The following SMARCA2 variants were observed in gnomAD, a reference collection of about 807,000 sequenced individuals.
SMARCA2 encodes SWI/SNF-related matrix-associated actin-dependent regulator of chromatin subfamily A member 2.
Under a neutral mutation model 199.8 loss-of-function variants are expected in SMARCA2, and 61 were observed. The observed-to-expected ratio is 0.31, with a 90% CI of 0.25 to 0.38. SMARCA2 has a LOEUF of 0.38. Ranked by LOEUF, SMARCA2 falls within the 10% of genes least tolerant of loss-of-function variation. The pLI is 1.00. For missense variants in SMARCA2, 1,344 were observed against 2,012.2 expected (o/e 0.67, Z 6.35); for synonymous variants, 935 against 732.0 (o/e 1.28, Z -4.48).
Position 2,039,937 on chromosome 9 carries a change from T to G in SMARCA2, c.790+37T>G, listed in dbSNP as rs1819530462. 1.9e-6 allele frequency: 3 copies of G among 1,604,808 alleles called. No individual in the cohort carries two copies. The highest frequency in any genetic ancestry group is 1.7e-6 in the Non-Finnish European group (2 of 1,175,382). On this transcript the variant is annotated intron_variant, in intron 4 of 33. Transcript: ENST00000349721. The surrounding 1 kb of genome is among the most constrained non-coding windows in gnomAD (Gnocchi z 4.8). ...CGCAACCAAATGAATAATGCCATGG[T>G]CCAACTCGGATAACAAAGACTGCTC...
At chr9:2,087,301 C>T (rs1031213338) in intron 18 of SMARCA2, 10 of 528,856 alleles carry the variant, frequency 1.9e-5, no homozygotes, top group Non-Finnish European at 3.4e-5. Flanking sequence ...CTTTTGCCAG[C>T]ATGTTTACCA....
chr9:2,180,008 G>C (rs1407545445), intron 29 of SMARCA2, among the ~76,000 whole-genome samples: 1 of 152,164 alleles, frequency 6.6e-6, no homozygotes, highest in East Asian at 1.9e-4. Context: ...CTGTGTTGAA[G>C]GTGATGGTAA....
At chr9:2,163,440 A>T (rs1825783653) in intron 28 of SMARCA2, among the ~76,000 whole-genome samples, 1 of 152,224 alleles carries the variant, frequency 6.6e-6, no homozygotes, top group Admixed American at 6.5e-5. Context: ...CAGAGTGAAC[A>T]TGAAAACTTC....
chr9:2,096,087 T>C (rs1337290193), intron 19 of SMARCA2, among the ~76,000 whole-genome samples: 1 of 152,186 alleles, frequency 6.6e-6, no homozygotes, highest in African/African-American at 2.4e-5. Flanking sequence ...TGTGGATTAA[T>C]TTCTCTTCCA....
intron 32 of SMARCA2, among the ~76,000 whole-genome samples, chr9:2,190,108 T>C (rs577181156): frequency 6.6e-6 from 1 of 152,348 alleles, no homozygotes; most frequent in East Asian, 1.9e-4. Context: ...GCAGATTGTC[T>C]TTGTTCTTTG....
At chr9:2,048,210 C>G (rs997265398) in intron 5 of SMARCA2, among the ~76,000 whole-genome samples, 2 of 152,074 alleles carry the variant, frequency 1.3e-5, no homozygotes, top group Non-Finnish European at 2.9e-5. Flanking sequence ...TTACGAGACC[C>G]CTGATGTAAA....
At chr9:2,047,201 A>G (rs1586644666) in intron 4 of SMARCA2, 28 bp from the exon 5 acceptor site, 1 of 1,012,050 alleles carries the variant, frequency 9.9e-7, no homozygotes, top group Non-Finnish European at 1.2e-6. Flanking sequence ...GTCCCGCCCG[A>G]GCTGCCCATG....
intron 17 of SMARCA2, chr9:2,085,764 C>G (rs910027631): frequency 1.3e-5 from 2 of 152,106 alleles, no homozygotes; most frequent in Non-Finnish European, 2.9e-5. Context: ...GTATAGAATA[C>G]TTTCCTCATC....
chr9:2,097,334 G>A (rs1308586754), intron 20 of SMARCA2, 51 bp from the exon 21 acceptor site: 2 of 1,194,240 alleles, frequency 1.7e-6, no homozygotes, highest in Admixed American at 1.7e-5. Flanking sequence ...GATCTGAAAT[G>A]TCTGACCAGT....
Position 2,073,563 on chromosome 9 carries a change from T to C in SMARCA2, c.1878-3T>C. 3 of 1,610,670 alleles carry C rather than the reference T, an allele frequency of 1.9e-6. No homozygotes were observed. Among genetic ancestry groups the C allele is most frequent in the Non-Finnish European group, 2.5e-6 (3 of 1,177,144 alleles). On this transcript the variant is annotated splice_region_variant and splice_polypyrimidine_tract_variant and intron_variant, in intron 11 of 33. Transcript: ENST00000349721. ...CCTCCTCTTCCTCACTCTTTTTCCT[T>C]AGTTATGAAGTTGCCCCTAGATCTG... is the stretch of plus-strand genomic sequence containing the variant.
chr9:2,060,962 G>T lies in SMARCA2; in HGVS notation c.1668G>T (p.Lys556Asn). Residue 556 changes from lysine to asparagine, a missense_variant, in exon 9 of 34, where the codon AAG (lysine) becomes AAT (asparagine). Around this residue, in one of 18 missense-constraint regions of SMARCA2, gnomAD observed 68 missense variants for 70.4 expected, o/e 0.97. Transcript: ENST00000349721. ...EHKQAQAAKE[K>N]KKRRRRKKKA... ...AGCAAGCCCAGGCAGCCAAAGAGAA[G>T]AAGAAGAGGAGGAGGAGGAAGAAGG... 6.2e-7 allele frequency: 1 copy of T among 1,614,014 alleles called. No individual in the cohort carries two copies. The highest frequency in any genetic ancestry group is 8.5e-7 in the Non-Finnish European group (1 of 1,179,926).
intron 8 of SMARCA2, 71 bp from the exon 9 acceptor site, chr9:2,060,745 G>T: frequency 7.0e-7 from 1 of 1,426,684 alleles, no homozygotes. Context: ...GTCAAGGGGA[G>T]GACAGAGTGG....
chr9:2,036,592 C>A (rs1177557935), intron 3 of SMARCA2, among the ~76,000 whole-genome samples: 1 of 152,086 alleles, frequency 6.6e-6, no homozygotes, highest in Non-Finnish European at 1.5e-5. Context: ...TAATACCATA[C>A]GGTGACAGAA....
chr9:2,119,337 C>A lies in SMARCA2; in HGVS notation c.3685-121C>A. The A allele has an allele frequency of 1.5e-6, 1 of 661,730 alleles. No homozygotes were observed. Among genetic ancestry groups the A allele is most frequent in the Admixed American group, 2.6e-5 (1 of 38,658 alleles). The allele number at this position is 661,730 out of a possible 1,614,324, so 41.0% of individuals were successfully genotyped here. ...ACGTCAAGGACTAAATCCAGCAACCCCTTCCCTTTTCTTTCTGCCTTGAGA... is the reference window on the plus strand; with the variant it reads ...ACGTCAAGGACTAAATCCAGCAACCACTTCCCTTTTCTTTCTGCCTTGAGA... On this transcript the variant is annotated intron_variant, in intron 25 of 33. Coordinates refer to ENST00000349721, the MANE Select transcript of SMARCA2 (RefSeq NM_003070.5). The surrounding 1 kb of genome is among the most constrained non-coding windows in gnomAD (Gnocchi z 4.6).
At chr9:2,150,896 G>A (rs1825030602) in intron 27 of SMARCA2, among the ~76,000 whole-genome samples, 1 of 151,494 alleles carries the variant, frequency 6.6e-6, no homozygotes, top group African/African-American at 2.4e-5. Flanking sequence ...CTGTGTCTTA[G>A]CAGCCTTTTC....
chr9:2,022,929 C>T (rs776988069), intron 1 of SMARCA2, among the ~76,000 whole-genome samples: 8 of 152,214 alleles, frequency 5.3e-5, no homozygotes, highest in Non-Finnish European at 8.8e-5. Context: ...TGATTTTCAT[C>T]TGTGATTACC....
At chr9:2,137,081 C>T (rs1271698123) in intron 27 of SMARCA2, among the ~76,000 whole-genome samples, 7 of 152,142 alleles carry the variant, frequency 4.6e-5, no homozygotes, top group Non-Finnish European at 1.0e-4. Context: ...TGGTTTCTAC[C>T]AACCCTACTT....
rs1171791589 is a variant in SMARCA2 at position 2,016,490 on chromosome 9, C to T, written c.-37+1086C>T. 2 of 152,812 alleles carry T rather than the reference C, an allele frequency of 1.3e-5. No individual in the cohort carries two copies. Among genetic ancestry groups the T allele is most frequent in the Non-Finnish European group, 2.9e-5 (2 of 68,582 alleles). The allele number at this position is 152,812 out of a possible 1,614,324, so 9.5% of individuals were successfully genotyped here. A position where few individuals can be genotyped will look rare whatever the true frequency, so the allele number is the denominator to read the frequency against. ...CGCGGGAGCTGCGGGCGTGGGGCGC[C>T]TGCGATCGTCCGGGTGCTAGGGGCG... is the stretch of plus-strand genomic sequence containing the variant. On this transcript the variant is annotated intron_variant, in intron 1 of 33. Coordinates refer to ENST00000349721, the MANE Select transcript of SMARCA2 (RefSeq NM_003070.5). This position sits in a 1 kb window ranked among gnomAD's most constrained non-coding sequence, Gnocchi z 5.6.
At chr9:2,131,223 C>A (rs1352842375) in intron 27 of SMARCA2, among the ~76,000 whole-genome samples, 1 of 152,178 alleles carries the variant, frequency 6.6e-6, no homozygotes, top group East Asian at 1.9e-4. Context: ...GCCTTTGTCT[C>A]ACAATGTCTT....
Sources: allele counts gnomAD v4.1 joint callset (sites outside exome capture counted in the v4.1 genomes callset), GRCh38; gene constraint gnomAD v4.1.1; regional missense constraint gnomAD v4.1.1; non-coding constraint Gnocchi (gnomAD v3.1); transcripts MANE v1.5; gene names NCBI Gene and HGNC (gene_info 2026-07-23, HGNC 2026-07-21).